RXFP1: variants seen among roughly 807,000 people sequenced by gnomAD.
RXFP1 encodes relaxin family peptide receptor 1.
RXFP1 carries 73 observed loss-of-function variants against 89.8 expected under a neutral mutation model. The ratio of observed to expected loss-of-function variants is 0.81; its 90% CI spans 0.67 to 0.99. The LOEUF (loss-of-function observed/expected upper bound fraction) is 0.99. Ranked by LOEUF, RXFP1 falls within the 50% of genes least tolerant of loss-of-function variation. The pLI is 0.00. For synonymous variants in RXFP1, 277 were observed against 305.5 expected (o/e 0.91, Z 0.97); for missense variants, 793 against 895.5 (o/e 0.89, Z 1.46).
At chr4:158,549,220 C>A (rs1272121728) in intron 1 of RXFP1, among the ~76,000 whole-genome samples, 10 of 151,374 alleles carry the variant, frequency 6.6e-5, no homozygotes, top group African/African-American at 2.4e-4. Context: ...ATCACTGATA[C>A]CCTTTCTTCC....
At chr4:158,534,733 A>G (rs991296757) in intron 1 of RXFP1, among the ~76,000 whole-genome samples, 3 of 151,938 alleles carry the variant, frequency 2.0e-5, no homozygotes, top group South Asian at 2.1e-4. Flanking sequence ...AAATTTGTCA[A>G]TGTCACGGGC....
At chr4:158,646,258 T>C (rs771746035) in intron 15 of RXFP1, 4 of 427,572 alleles carry the variant, frequency 9.4e-6, no homozygotes, top group South Asian at 5.1e-5. Context: ...AAAATTGTAC[T>C]GACTGCAAAG....
At chr4:158,577,336 T>C (rs931146950) in intron 2 of RXFP1, among the ~76,000 whole-genome samples, 1 of 152,166 alleles carries the variant, frequency 6.6e-6, no homozygotes, top group Non-Finnish European at 1.5e-5. Context: ...CCGCACCTGA[T>C]CGGCTGTTCA....
chr4:158,593,110 C>CAAAA (rs1011174309), intron 2 of RXFP1, among the ~76,000 whole-genome samples: 15 of 148,844 alleles, frequency 1.0e-4, no homozygotes, highest in African/African-American at 3.7e-4. Flanking sequence ...CAAAAACAAA[C>CAAAA]AAAAAAAACT....
intron 1 of RXFP1, among the ~76,000 whole-genome samples, chr4:158,546,526 G>A (rs1460681222): frequency 1.3e-5 from 2 of 152,122 alleles, no homozygotes; most frequent in Non-Finnish European, 2.9e-5. Context: ...CCTGTCTTGT[G>A]CCAGTTTTCA....
rs192036260 is a variant in RXFP1 at position 158,579,340 on chromosome 4, C to T, written c.187+6505C>T. On this transcript the variant is annotated intron_variant, in intron 2 of 17. Coordinates refer to ENST00000307765, the MANE Select transcript of RXFP1 (RefSeq NM_021634.4). ...CTGGAGTGCAGTAGCACAATCTCGG[C>T]TCACTGCAACCTCTGCCTACCGGGT... Among the ~76,000 whole-genome samples the T allele has an allele frequency of 2.4e-3, 360 of 152,270 alleles. 1 individual carries two copies. Among genetic ancestry groups the T allele is most frequent in the Middle Eastern group, 6.8e-3 (2 of 294 alleles).
intron 1 of RXFP1, among the ~76,000 whole-genome samples, chr4:158,567,888 C>T (rs573237318): frequency 1.2e-4 from 19 of 152,304 alleles, no homozygotes; most frequent in African/African-American, 3.1e-4. Context: ...GCAACCCGCT[C>T]GGGTCTCCTT....
Position 158,646,933 on chromosome 4 carries a change from A to G in RXFP1, c.1488A>G (p.Thr496=). The G allele has an allele frequency of 6.2e-7, 1 of 1,614,228 alleles. No individual in the cohort carries two copies. Among genetic ancestry groups the G allele is most frequent in the Non-Finnish European group, 8.5e-7 (1 of 1,180,042 alleles). ...TAGGATCTTTGGCCATTCTGTCCAC[A>G]GAAGTATCAGTTTTACTGTTAACAT... ...QLVGSLAILS[T]EVSVLLLTFL... The change falls in exon 16 of 18, where the codon ACA becomes ACG. Residue 496 remains threonine, a synonymous_variant. Coordinates refer to ENST00000307765, the MANE Select transcript of RXFP1 (RefSeq NM_021634.4).
chr4:158,544,672 C>G (rs1747765538), intron 1 of RXFP1, among the ~76,000 whole-genome samples: 1 of 151,898 alleles, frequency 6.6e-6, no homozygotes, highest in Non-Finnish European at 1.5e-5. Context: ...TGTTCAATTC[C>G]CACCTATGAG....
At chr4:158,612,043 T>G in intron 6 of RXFP1, 87 bp from the exon 7 acceptor site, 1 of 1,137,454 alleles carries the variant, frequency 8.8e-7, no homozygotes, top group Non-Finnish European at 1.3e-6. Flanking sequence ...TGTAAAAAAT[T>G]TAAGATGGAT....
intron 1 of RXFP1, among the ~76,000 whole-genome samples, 183 bp downstream of exon 1, chr4:158,522,208 T>C (rs1338462493): frequency 3.3e-5 from 5 of 152,220 alleles, no homozygotes; most frequent in African/African-American, 1.2e-4. Flanking sequence ...GACCATAATA[T>C]CTTATCATAG....
At chr4:158,604,472 C>A (rs554081078) in intron 4 of RXFP1, among the ~76,000 whole-genome samples, 6 of 152,224 alleles carry the variant, frequency 3.9e-5, no homozygotes, top group African/African-American at 1.4e-4. Context: ...GACTTGGGAC[C>A]TTTCCAGTAC....
chr4:158,526,818 A>G (rs1488992785), intron 1 of RXFP1, among the ~76,000 whole-genome samples: 1 of 152,132 alleles, frequency 6.6e-6, no homozygotes, highest in African/African-American at 2.4e-5. Flanking sequence ...AATCTTTGGG[A>G]ACGGTACTCT....
chr4:158,580,178 G>A (rs193183374), intron 2 of RXFP1, among the ~76,000 whole-genome samples: 16 of 152,314 alleles, frequency 1.1e-4, no homozygotes, highest in Admixed American at 9.8e-4. Flanking sequence ...AACATTAGCA[G>A]TGGTCCTTAC....
Position 158,647,160 on chromosome 4 carries a change from A to G in RXFP1, c.1715A>G (p.Glu572Gly). 1.2e-6 allele frequency: 2 copies of G among 1,609,274 alleles called. No homozygotes were observed. Among genetic ancestry groups the G allele is most frequent in the Non-Finnish European group, 8.5e-7 (1 of 1,178,166 alleles). The part of the protein sequence containing the change: ...VCFPLHSEDT[E>G]SIGAQIYSVA... The stretch of plus-strand genomic sequence containing the variant: ...TTCCCTCTTCATTCAGAAGATACAG[A>G]AAGTATTGGAGCCCAGATTTATTCA... The change falls in exon 16 of 18, where the codon GAA becomes GGA. Residue 572 changes from glutamate to glycine, a missense_variant. Physicochemically the swap from Glu to Gly is moderately conservative, Grantham distance 98. Coordinates refer to ENST00000307765, the MANE Select transcript of RXFP1 (RefSeq NM_021634.4).
intron 1 of RXFP1, among the ~76,000 whole-genome samples, chr4:158,541,815 C>T (rs1260978770): frequency 2.0e-5 from 3 of 151,986 alleles, no homozygotes; most frequent in Non-Finnish European, 4.4e-5. Flanking sequence ...ATACAATTAA[C>T]ATTGAAAAAT....
intron 9 of RXFP1, among the ~76,000 whole-genome samples, chr4:158,621,407 G>A (rs960246237): frequency 6.6e-6 from 1 of 152,162 alleles, no homozygotes; most frequent in Non-Finnish European, 1.5e-5. Context: ...AACCAATATT[G>A]TATGGTAAAG....
At chr4:158,644,530 A>G (rs1771135168) in intron 14 of RXFP1, among the ~76,000 whole-genome samples, 3 of 152,222 alleles carry the variant, frequency 2.0e-5, no homozygotes, top group Admixed American at 2.0e-4. Context: ...CCTGAGGGAT[A>G]GAAAGCAGTC....
chr4:158,645,153 G>A lies in RXFP1; in HGVS notation c.1345+15G>A. 6.4e-7 allele frequency: 1 copy of A among 1,568,488 alleles called. No individual in the cohort carries two copies. The highest frequency in any genetic ancestry group is 8.8e-7 in the Non-Finnish European group (1 of 1,138,916). On this transcript the variant is annotated intron_variant, in intron 15 of 17. Transcript: ENST00000307765. ...TTCTCTCTGCTGTGAGTATTTCCTGGTTAAAGGAGAATTGTAGTTTTGAAA... is the reference window on the plus strand; with the variant it reads ...TTCTCTCTGCTGTGAGTATTTCCTGATTAAAGGAGAATTGTAGTTTTGAAA...
Sources: allele counts gnomAD v4.1 joint callset (sites outside exome capture counted in the v4.1 genomes callset), GRCh38; gene constraint gnomAD v4.1.1; transcripts MANE v1.5; gene names NCBI Gene and HGNC (gene_info 2026-07-23, HGNC 2026-07-21).